Variants in GABRA3 observed in about 807,000 individuals in gnomAD.
GABRA3 encodes gamma-aminobutyric acid receptor subunit alpha-3.
Under a neutral mutation model 30.1 loss-of-function variants are expected in GABRA3, and 10 were observed. The ratio of observed to expected loss-of-function variants is 0.33; its 90% CI spans 0.20 to 0.56. The LOEUF is 0.56. Ranked by LOEUF, GABRA3 falls within the 20% of genes least tolerant of loss-of-function variation. The pLI, the probability that GABRA3 is intolerant of heterozygous loss-of-function variation, is 0.89. For synonymous variants in GABRA3, 151 were observed against 146.8 expected, an observed-to-expected ratio of 1.03 and a Z score of -0.21; for missense variants, 233 against 392.0, an observed-to-expected ratio of 0.59 and a Z score of 3.42.
intron 4 of GABRA3, among the ~76,000 whole-genome samples, chrX:152,282,924 G>A (rs760026550): frequency 8.9e-6 from 1 of 111,964 alleles, no homozygotes; most frequent in Non-Finnish European, 1.9e-5. Flanking sequence ...GTGAGTGAGT[G>A]TATGTGTGTG....
At position 152,370,692 on chromosome X, in the gene GABRA3, T is replaced by C. The variant is rs902369497; in HGVS notation, c.-26-6096A>G. Among the ~76,000 whole-genome samples the C allele has an allele frequency of 3.6e-5, 4 of 111,564 alleles. No individual in the cohort carries two copies. In the Admixed American group the frequency reaches 3.8e-4, roughly 11 times the overall value. On this transcript the variant is annotated intron_variant, in intron 1 of 9. Transcript: ENST00000370314. ...AGGTCTATTATTTGACCTCTTTTCC[T>C]CCAATGAGCCTCAGCTCTATCCTAA...
chrX:152,300,438 C>A (rs1939610685), intron 3 of GABRA3, among the ~76,000 whole-genome samples: 1 of 109,063 alleles, frequency 9.2e-6, no homozygotes, highest in Non-Finnish European at 1.9e-5. Flanking sequence ...TTCTCCAGAG[C>A]CCAGAATCTA....
chrX:152,262,745 T>C (rs1938752610), intron 4 of GABRA3, among the ~76,000 whole-genome samples: 1 of 111,797 alleles, frequency 8.9e-6, no homozygotes. Context: ...CATTTTTCTT[T>C]CTTCTTCTGA....
intron 6 of GABRA3, among the ~76,000 whole-genome samples, chrX:152,212,230 G>A (rs1035474719): frequency 2.3e-5 from 2 of 87,570 alleles, no homozygotes; most frequent in Non-Finnish European, 4.2e-5. Flanking sequence ...GCTACAGTGA[G>A]CTGTGATTGA....
At chrX:152,427,873 CTA>C (rs1443262275) in intron 1 of GABRA3, among the ~76,000 whole-genome samples, 1 of 112,031 alleles carries the variant, frequency 8.9e-6, no homozygotes, top group African/African-American at 3.2e-5. Context: ...CACAAGAGAT[CTA>C]ATAAGCAAAC....
chrX:152,199,409 G>C (rs914087631), intron 7 of GABRA3, among the ~76,000 whole-genome samples: 4 of 109,311 alleles, frequency 3.7e-5, no homozygotes, highest in African/African-American at 1.3e-4. Context: ...AGAGGTTGGA[G>C]TGGTGCAGCT....
At chrX:152,331,018 T>C (rs1268764750) in intron 3 of GABRA3, among the ~76,000 whole-genome samples, 2 of 110,606 alleles carry the variant, frequency 1.8e-5, no homozygotes, top group Non-Finnish European at 3.8e-5. Flanking sequence ...TCACAGGATG[T>C]TAACATTCAG....
Position 152,383,282 on chromosome X carries a change from G to A in GABRA3, c.-26-18686C>T, listed in dbSNP as rs767458876. Among the ~76,000 whole-genome samples the A allele has an allele frequency of 2.4e-3, 252 of 105,955 alleles. 2 individuals are homozygous for A. Among genetic ancestry groups the A allele is most frequent in the Middle Eastern group, 9.3e-3 (2 of 214 alleles). The allele number at this position is 105,955 out of a possible 115,157, so 92.0% of individuals were successfully genotyped here. A position where few individuals can be genotyped will look rare whatever the true frequency, so the allele number is the denominator to read the frequency against. On this transcript the variant is annotated intron_variant, in intron 1 of 9. Coordinates refer to ENST00000370314, the MANE Select transcript of GABRA3 (RefSeq NM_000808.4). ...CGGGCGCCTATAGTCCCAGCTACTC[G>A]GGAGGCTGATGCAGGAGAATGATAC...
At chrX:152,374,033 G>A (rs1263662807) in intron 1 of GABRA3, among the ~76,000 whole-genome samples, 1 of 111,190 alleles carries the variant, frequency 9.0e-6, no homozygotes, top group Non-Finnish European at 1.9e-5. Context: ...ATCATTGATG[G>A]ACATTTGCAT....
At chrX:152,419,040 G>A (rs1244765600) in intron 1 of GABRA3, among the ~76,000 whole-genome samples, 1 of 110,256 alleles carries the variant, frequency 9.1e-6, no homozygotes, top group Non-Finnish European at 1.9e-5. Context: ...CTACCGCAAG[G>A]ACAAAAAACC....
At chrX:152,433,563 T>C (rs1163999811) in intron 1 of GABRA3, among the ~76,000 whole-genome samples, 1 of 109,699 alleles carries the variant, frequency 9.1e-6, no homozygotes, top group Non-Finnish European at 1.9e-5. Context: ...CATTAAATCT[T>C]ATATTAGATA....
intron 3 of GABRA3, among the ~76,000 whole-genome samples, chrX:152,333,479 T>C (rs925297837): frequency 8.9e-6 from 1 of 112,272 alleles, no homozygotes; most frequent in Non-Finnish European, 1.9e-5. Context: ...GAAGATGATA[T>C]GAATTTGTAT....
intron 1 of GABRA3, among the ~76,000 whole-genome samples, chrX:152,398,205 A>G (rs755277034): frequency 1.8e-5 from 2 of 110,856 alleles, no homozygotes; most frequent in East Asian, 5.7e-4. Flanking sequence ...GAATAAGGTC[A>G]GATAGCTCAA....
intron 9 of GABRA3, chrX:152,171,364 TTTAA>T (rs1936999917): frequency 1.6e-6 from 1 of 621,522 alleles, no homozygotes. Context: ...AAAATTACCT[TTTAA>T]TTTCTTCCAC....
At position 152,345,561 on chromosome X, in the gene GABRA3, A is replaced by G. The variant is rs1940378928; in HGVS notation, c.262+20T>C. The G allele has an allele frequency of 8.4e-7, 1 of 1,188,795 alleles. No homozygotes were observed. Among genetic ancestry groups the G allele is most frequent in the African/African-American group, 1.8e-5 (1 of 55,729 alleles). ...AGAAGAAGATCTGAAAAGGACTTCA[A>G]AGATCTTAAAAGGACTGACCTCCAA... On this transcript the variant is annotated intron_variant, in intron 3 of 9. Coordinates refer to ENST00000370314, the MANE Select transcript of GABRA3 (RefSeq NM_000808.4).
chrX:152,298,582 C>T (rs1221708314), intron 3 of GABRA3, among the ~76,000 whole-genome samples: 1 of 110,753 alleles, frequency 9.0e-6, no homozygotes, highest in Non-Finnish European at 1.9e-5. Context: ...GCATAGTGTT[C>T]CATGGTGTAT....
Position 152,417,330 on chromosome X carries a change from A to G in GABRA3, c.-27+33816T>C, listed in dbSNP as rs35911289. On this transcript the variant is annotated intron_variant, in intron 1 of 9. Transcript: ENST00000370314. ...CAAATCAAAACCACAATGAGATACCACCTCACACCAGTTAGAATGGTGATC... is the reference window on the plus strand; with the variant it reads ...CAAATCAAAACCACAATGAGATACCGCCTCACACCAGTTAGAATGGTGATC... 1.7e-3 allele frequency among the ~76,000 whole-genome samples: 178 copies of G among 104,245 alleles called. 1 individual carries two copies. The highest frequency in any genetic ancestry group is 5.6e-3 in the African/African-American group (155 of 27,469). The allele number at this position is 104,245 out of a possible 115,157, so 90.5% of individuals were successfully genotyped here.
At chrX:152,243,340 G>A (rs1214449577) in intron 5 of GABRA3, among the ~76,000 whole-genome samples, 6 of 111,963 alleles carry the variant, frequency 5.4e-5, no homozygotes, top group African/African-American at 1.6e-4. Flanking sequence ...CAGAATTTAC[G>A]TGTTCTCAGC....
chrX:152,233,149 GTTGT>G (rs1938120600), intron 5 of GABRA3, among the ~76,000 whole-genome samples: 1 of 106,909 alleles, frequency 9.4e-6, no homozygotes, highest in African/African-American at 3.5e-5. Context: ...TCATGATGGG[GTTGT>G]TTGTTTTTTT....
Sources: gnomAD v4.1 joint callset for allele counts (sites outside exome capture counted in the v4.1 genomes callset) on GRCh38, gnomAD v4.1.1 for gene constraint, MANE v1.5 for transcripts, NCBI Gene and HGNC (gene_info 2026-07-23, HGNC 2026-07-21) for gene names.